ATN1: variants seen among roughly 807,000 people sequenced by gnomAD.
ATN1 encodes atrophin-1.
Under a neutral mutation model 85.8 loss-of-function variants are expected in ATN1, and 19 were observed. That is an observed-to-expected ratio of 0.22 (90% CI 0.15 to 0.32). The LOEUF is 0.32. ATN1 is among the 10% of genes least tolerant of loss of function. ATN1 has a pLI of 1.00. For missense variants in ATN1, 1,453 were observed against 1,564.5 expected (o/e 0.93, Z 1.20); for synonymous variants, 674 against 657.0 (o/e 1.03, Z -0.39).
rs782428609 is a variant in ATN1, at chr12:6,937,000, C to A, written c.1733C>A (p.Thr578Asn). 1 of 1,613,560 alleles carries A rather than the reference C, an allele frequency of 6.2e-7. No homozygotes were observed. Among genetic ancestry groups the A allele is most frequent in the Non-Finnish European group, 8.5e-7 (1 of 1,179,734 alleles). The change falls in exon 5 of 10, where the codon ACT (threonine) becomes AAT (asparagine). Residue 578 changes from threonine (T) to asparagine (N), a missense_variant. Transcript: ENST00000396684. ...VSSSSNSSSSTSQGSYPCSHP... is the reference protein window; with the variant it reads ...VSSSSNSSSSNSQGSYPCSHP... ...TCCTCTTCCAACTCTTCCTCTTCCA[C>A]TTCTCAAGGGTCCTACCCATGTTCA...
At chr12:6,929,527 TC>T (rs1414492321) in intron 1 of ATN1, among the ~76,000 whole-genome samples, 8 of 152,158 alleles carry the variant, frequency 5.3e-5, no homozygotes, top group Non-Finnish European at 8.8e-5. Context: ...ATGGTAGTGA[TC>T]CAGTGGGATG....
At chr12:6,927,250 T>A (rs1555142663), upstream of ATN1, among the ~76,000 whole-genome samples, 1 of 151,550 alleles carries the variant, frequency 6.6e-6, no homozygotes, top group African/African-American at 2.4e-5. Context: ...TTCTCTCTCC[T>A]TATGACCCCA....
chr12:6,935,414 C>G lies in ATN1; in HGVS notation c.280-133C>G. The G allele has an allele frequency of 9.9e-7, 1 of 1,014,240 alleles. No individual in the cohort carries two copies. Among genetic ancestry groups the G allele is most frequent in the South Asian group, 1.8e-5 (1 of 55,786 alleles). 62.8% of individuals were successfully genotyped at this position (1,014,240 alleles called of 1,614,324 possible). On this transcript the variant is annotated intron_variant, in intron 4 of 9. Coordinates refer to ENST00000396684, the MANE Select transcript of ATN1 (RefSeq NM_001940.4). This position sits in a 1 kb window ranked among gnomAD's most constrained non-coding sequence, Gnocchi z 5.3. ...AAATCCCCAGATGGTAAGAGGTGGGCTTGAGCAAGAGTACTCACCACATCA... is the reference window on the plus strand; with the variant it reads ...AAATCCCCAGATGGTAAGAGGTGGGGTTGAGCAAGAGTACTCACCACATCA...
At position 6,938,685 on chromosome 12, in the gene ATN1, C is replaced by G; in HGVS notation, c.2722C>G (p.Leu908Val). The change falls in exon 7 of 10, where the codon CTG becomes GTG. Residue 908 changes from leucine (L) to valine (V), a missense_variant. Transcript: ENST00000396684. ...TCGCAACCATCCATTCTACGTGCCC[C>G]TGGGGGCAGTGGACCCGGGGCTCCT... ...GNRNHPFYVP[L>V]GAVDPGLLGY... 1 of 1,614,188 alleles carries G rather than the reference C, an allele frequency of 6.2e-7. No individual in the cohort carries two copies. Among genetic ancestry groups the G allele is most frequent in the Non-Finnish European group, 8.5e-7 (1 of 1,180,038 alleles).
chr12:6,934,411 G>T lies in ATN1; in HGVS notation c.166-54G>T, dbSNP rs782807335. Reference sequence around the variant, plus strand: ...AACTTCCTGTTTGGCAGAGGGTAACGGTGGAGCTCGGGAGGTAGGGAAAAG... The same window carrying T: ...AACTTCCTGTTTGGCAGAGGGTAACTGTGGAGCTCGGGAGGTAGGGAAAAG... On this transcript the variant is annotated intron_variant, in intron 3 of 9. Coordinates refer to ENST00000396684, the MANE Select transcript of ATN1 (RefSeq NM_001940.4). This position sits in a 1 kb window ranked among gnomAD's most constrained non-coding sequence, Gnocchi z 4.5. 1.2e-6 allele frequency: 2 copies of T among 1,607,598 alleles called. No individual in the cohort carries two copies. The highest frequency in any genetic ancestry group is 4.5e-5 in the East Asian group (2 of 44,734).
At position 6,937,875 on chromosome 12, in the gene ATN1, C is replaced by T. The variant is rs1728869385; in HGVS notation, c.2325C>T (p.Asn775=). 1.3e-6 allele frequency: 2 copies of T among 1,588,230 alleles called. No individual in the cohort carries two copies. The highest frequency in any genetic ancestry group is 2.7e-5 in the African/African-American group (2 of 73,906). ...RFNKHLDRGF[N]SCARSDLYFV... ...ACAAACACCTGGATCGCGGCTTCAA[C>T]TCGTGCGCGCGCAGCGACCTGTACT... Residue 775 remains asparagine (N), a synonymous_variant, in exon 6 of 10, where the codon AAC becomes AAT. Transcript: ENST00000396684. The surrounding 1 kb of genome is among the most constrained non-coding windows in gnomAD (Gnocchi z 6.0).
Position 6,940,881 on chromosome 12 carries a change from C to A in ATN1, c.3216C>A (p.Ala1072=). 2 of 1,614,202 alleles carry A rather than the reference C, an allele frequency of 1.2e-6. No individual in the cohort carries two copies. The highest frequency in any genetic ancestry group is 1.7e-6 in the Non-Finnish European group (2 of 1,180,030). Residue 1072 remains alanine, a splice_region_variant and synonymous_variant, in exon 8 of 10, where the codon GCC becomes GCA. Coordinates refer to ENST00000396684, the MANE Select transcript of ATN1 (RefSeq NM_001940.4). Reference sequence around the variant, plus strand: ...ACCTTCCTCTTCTCTGCCCTCCAGCCTCTGCCTCGGTGCACCCTCTCATTG... The same window carrying A: ...ACCTTCCTCTTCTCTGCCCTCCAGCATCTGCCTCGGTGCACCCTCTCATTG... The part of the protein sequence containing the change: ...HLHQQDAIHA[A]SASVHPLIDP...
intron 1 of ATN1, among the ~76,000 whole-genome samples, chr12:6,933,218 TTTC>T (rs1287996749): frequency 1.3e-5 from 2 of 151,472 alleles, no homozygotes; most frequent in Non-Finnish European, 2.9e-5. Context: ...TCATTTCTTT[TTTC>T]TTTTTTTTTT....
chr12:6,937,779 G>A lies in ATN1; in HGVS notation c.2295-66G>A. 3 of 1,474,886 alleles carry A rather than the reference G, an allele frequency of 2.0e-6. No homozygotes were observed. Among genetic ancestry groups the A allele is most frequent in the African/African-American group, 1.4e-5 (1 of 70,294 alleles). 91.4% of individuals were successfully genotyped at this position (1,474,886 alleles called of 1,614,324 possible). A position where few individuals can be genotyped will look rare whatever the true frequency, so the allele number is the denominator to read the frequency against. On this transcript the variant is annotated intron_variant, in intron 5 of 9. Coordinates refer to ENST00000396684, the MANE Select transcript of ATN1 (RefSeq NM_001940.4). This position sits in a 1 kb window ranked among gnomAD's most constrained non-coding sequence, Gnocchi z 6.0. ...GGGGCTACAAGCACTCGCCGGGGCC[G>A]CGGCGCTGCGGGCTCCATCGGGCAG...
chr12:6,937,518 C>T lies in ATN1; in HGVS notation c.2251C>T (p.Pro751Ser), dbSNP rs1473417788. Reference protein sequence around the residue: ...VPPARSPSPPPKVVDVPSHAS... With the variant: ...VPPARSPSPPSKVVDVPSHAS... ...CCCAGCCCGCAGCCCCTCGCCCCCTCCCAAGGTGGTAGATGTACCCAGCCA... is the reference window on the plus strand; with the variant it reads ...CCCAGCCCGCAGCCCCTCGCCCCCTTCCAAGGTGGTAGATGTACCCAGCCA... Residue 751 changes from proline to serine, a missense_variant, in exon 5 of 10, where the codon CCC becomes TCC. Pro to Ser is a moderately conservative substitution (Grantham distance 74). Around this residue, in one of 6 missense-constraint regions of ATN1, gnomAD observed 990 missense variants for 914.8 expected, o/e 1.08. Coordinates refer to ENST00000396684, the MANE Select transcript of ATN1 (RefSeq NM_001940.4). The surrounding 1 kb of genome is among the most constrained non-coding windows in gnomAD (Gnocchi z 6.0). The T allele has an allele frequency of 6.5e-7, 1 of 1,540,492 alleles. No individual in the cohort carries two copies. Among genetic ancestry groups the T allele is most frequent in the Non-Finnish European group, 8.7e-7 (1 of 1,145,272 alleles).
chr12:6,937,363 C>G lies in ATN1; in HGVS notation c.2096C>G (p.Pro699Arg). The G allele has an allele frequency of 6.4e-7, 1 of 1,550,972 alleles. No individual in the cohort carries two copies. The highest frequency in any genetic ancestry group is 8.7e-7 in the Non-Finnish European group (1 of 1,148,746). Residue 699 changes from proline to arginine, a missense_variant, in exon 5 of 10, where the codon CCT becomes CGT. Around this residue, in one of 6 missense-constraint regions of ATN1, gnomAD observed 990 missense variants for 914.8 expected, o/e 1.08. Coordinates refer to ENST00000396684, the MANE Select transcript of ATN1 (RefSeq NM_001940.4). This position sits in a 1 kb window ranked among gnomAD's most constrained non-coding sequence, Gnocchi z 6.0. Reference sequence around the variant, plus strand: ...ACCGTGGGACCTGGGCCCCTGCCACCTGCGGGGCCCTCAGGCCTGCCATCG... The same window carrying G: ...ACCGTGGGACCTGGGCCCCTGCCACGTGCGGGGCCCTCAGGCCTGCCATCG... ...SPTVGPGPLPPAGPSGLPSLP... is the reference protein window; with the variant it reads ...SPTVGPGPLPRAGPSGLPSLP...
At position 6,942,072 on chromosome 12, in the gene ATN1, C is replaced by G. The variant is rs1555144828; in HGVS notation, c.*292C>G. 3.9e-6 allele frequency: 2 copies of G among 506,766 alleles called. No homozygotes were observed. Among genetic ancestry groups the G allele is most frequent in the Non-Finnish European group, 7.2e-6 (2 of 279,042 alleles). The allele number at this position is 506,766 out of a possible 1,614,324, so 31.4% of individuals were successfully genotyped here. On this transcript the variant is annotated 3_prime_UTR_variant, in exon 10 of 10. Coordinates refer to ENST00000396684, the MANE Select transcript of ATN1 (RefSeq NM_001940.4). Reference sequence around the variant, plus strand: ...TTTTCTCCTCCCCCATGCCCAACCCCTGTGGCCGCCGCCCCTCCCCTGCCC... The same window carrying G: ...TTTTCTCCTCCCCCATGCCCAACCCGTGTGGCCGCCGCCCCTCCCCTGCCC...
At position 6,934,356 on chromosome 12, in the gene ATN1, G is replaced by C. The variant is rs782579320; in HGVS notation, c.165+43G>C. 5.1e-6 allele frequency: 8 copies of C among 1,581,548 alleles called. No homozygotes were observed. The highest frequency in any genetic ancestry group is 6.9e-6 in the Non-Finnish European group (8 of 1,165,522). On this transcript the variant is annotated intron_variant, in intron 3 of 9. Transcript: ENST00000396684. This position sits in a 1 kb window ranked among gnomAD's most constrained non-coding sequence, Gnocchi z 4.5. ...CCTCCCACAGGATGCCCAAGGCACT[G>C]GGGCTGAGGGTGTGTGTGTGTTGTG...
rs1555143728 is a variant in ATN1 at position 6,936,693 on chromosome 12, G to T, written c.1426G>T (p.Val476Phe). Residue 476 changes from valine (V) to phenylalanine (F), a missense_variant, in exon 5 of 10, where the codon GTC becomes TTC. Around this residue, in one of 6 missense-constraint regions of ATN1, gnomAD observed 990 missense variants for 914.8 expected, o/e 1.08. Transcript: ENST00000396684. ...GGCCCAGTCCACCGCCCACCCACCA[G>T]TCTCAACACATCACCATCACCACCA... ...TGAQSTAHPP[V>F]STHHHHHQQQ... 2 of 1,611,916 alleles carry T rather than the reference G, an allele frequency of 1.2e-6. No individual in the cohort carries two copies. The highest frequency in any genetic ancestry group is 1.7e-6 in the Non-Finnish European group (2 of 1,179,290).
chr12:6,937,538 C>T lies in ATN1; in HGVS notation c.2271C>T (p.Pro757=). The T allele has an allele frequency of 6.6e-7, 1 of 1,516,620 alleles. No homozygotes were observed. Among genetic ancestry groups the T allele is most frequent in the Non-Finnish European group, 8.8e-7 (1 of 1,132,442 alleles). The allele number at this position is 1,516,620 out of a possible 1,614,324, so 93.9% of individuals were successfully genotyped here. A position where few individuals can be genotyped will look rare whatever the true frequency, so the allele number is the denominator to read the frequency against. The change falls in exon 5 of 10, where the codon CCC becomes CCT. Residue 757 remains proline (P), a synonymous_variant. Coordinates refer to ENST00000396684, the MANE Select transcript of ATN1 (RefSeq NM_001940.4). This position sits in a 1 kb window ranked among gnomAD's most constrained non-coding sequence, Gnocchi z 6.0. ...PSPPPKVVDV[P]SHASQSARFN... is the part of the protein sequence containing the mutation. ...CCCCTCCCAAGGTGGTAGATGTACC[C>T]AGCCATGCCAGTCAGTCTGCCAGGT...
Position 6,941,580 on chromosome 12 carries a change from G to A in ATN1, c.3539+26G>A. ...GTACCCTAGGGTGCCCCAGCCCAGGGGACATGGGCTCAGCGAGCCTGGGAG... is the reference window on the plus strand; with the variant it reads ...GTACCCTAGGGTGCCCCAGCCCAGGAGACATGGGCTCAGCGAGCCTGGGAG... On this transcript the variant is annotated intron_variant, in intron 9 of 9. Transcript: ENST00000396684. This position sits in a 1 kb window ranked among gnomAD's most constrained non-coding sequence, Gnocchi z 5.9. The A allele has an allele frequency of 6.2e-7, 1 of 1,611,650 alleles. No homozygotes were observed. Among genetic ancestry groups the A allele is most frequent in the Middle Eastern group, 1.7e-4 (1 of 6,046 alleles).
At chr12:6,925,948 TCCCTCCCATTCTCTGG>T (rs1945395078), upstream of ATN1, among the ~76,000 whole-genome samples, 1 of 152,122 alleles carries the variant, frequency 6.6e-6, no homozygotes, top group African/African-American at 2.4e-5. Flanking sequence ...CCAGCCTGCC[TCCCTCCCATTCTCTGG>T]CCTTCCCAAT....
At position 6,937,120 on chromosome 12, in the gene ATN1, T is replaced by A. The variant is rs782123218; in HGVS notation, c.1853T>A (p.Ile618Asn). ...TCTTCGGCTACCCTTTCCACGGTCA[T>A]TGCCACCGTGGCTTCCTCGCCAGCA... ...TTSSATLSTV[I>N]ATVASSPAGY... is the part of the protein sequence containing the mutation. The change falls in exon 5 of 10, where the codon ATT becomes AAT. Residue 618 changes from isoleucine to asparagine, a missense_variant. Physicochemically the swap from Ile to Asn is moderately radical, Grantham distance 149. Around this residue, in one of 6 missense-constraint regions of ATN1, gnomAD observed 990 missense variants for 914.8 expected, o/e 1.08. Coordinates refer to ENST00000396684, the MANE Select transcript of ATN1 (RefSeq NM_001940.4). This position sits in a 1 kb window ranked among gnomAD's most constrained non-coding sequence, Gnocchi z 6.0. 29 of 1,611,690 alleles carry A rather than the reference T, an allele frequency of 1.8e-5. No homozygotes were observed. The highest frequency in any genetic ancestry group is 2.4e-5 in the Non-Finnish European group (28 of 1,180,008).
rs987406177 is a variant in ATN1 at position 6,935,398 on chromosome 12, G to C, written c.280-149G>C. 4.7e-6 allele frequency: 4 copies of C among 856,022 alleles called. No homozygotes were observed. Among genetic ancestry groups the C allele is most frequent in the Non-Finnish European group, 6.9e-6 (4 of 576,496 alleles). 53.0% of individuals were successfully genotyped at this position (856,022 alleles called of 1,614,324 possible). On this transcript the variant is annotated intron_variant, in intron 4 of 9. Transcript: ENST00000396684. The surrounding 1 kb of genome is among the most constrained non-coding windows in gnomAD (Gnocchi z 5.3). ...ATGTGAGGAAAGTGAGAAATCCCCA[G>C]ATGGTAAGAGGTGGGCTTGAGCAAG...
Sources: allele counts gnomAD v4.1 joint callset (sites outside exome capture counted in the v4.1 genomes callset), GRCh38; gene constraint gnomAD v4.1.1; regional missense constraint gnomAD v4.1.1; non-coding constraint Gnocchi (gnomAD v3.1); transcripts MANE v1.5; gene names NCBI Gene and HGNC (gene_info 2026-07-23, HGNC 2026-07-21).